Variants in ACSM1 observed in about 807,000 individuals in gnomAD.
ACSM1 encodes the protein acyl-coenzyme A synthetase ACSM1, mitochondrial.
Under a neutral mutation model 75.8 loss-of-function variants are expected in ACSM1, and 79 were observed. The observed-to-expected ratio is 1.04, with a 90% CI of 0.87 to 1.26. The LOEUF (loss-of-function observed/expected upper bound fraction) is 1.26. Ranked by LOEUF, ACSM1 falls within the 50% of genes most tolerant of loss-of-function variation. The probability of loss-of-function intolerance (pLI) is 0.00; values close to 1 mark genes in which losing one functional copy is unlikely to be tolerated. For missense variants in ACSM1, 676 were observed against 720.1 expected, an observed-to-expected ratio of 0.94 and a Z score of 0.70; for synonymous variants, 279 against 265.8, an observed-to-expected ratio of 1.05 and a Z score of -0.48.
chr16:20,638,109 A>G (rs1367674324), intron 8 of ACSM1, among the ~76,000 whole-genome samples: 1 of 152,132 alleles, frequency 6.6e-6, no homozygotes, highest in Non-Finnish European at 1.5e-5. Flanking sequence ...AAATATATTT[A>G]TTTCTGTAGC....
intron 8 of ACSM1, among the ~76,000 whole-genome samples, chr16:20,639,023 A>G (rs1199095427): frequency 1.3e-5 from 2 of 152,224 alleles, no homozygotes; most frequent in Non-Finnish European, 2.9e-5. Context: ...TTTTTACAAA[A>G]TAATGTCAGC....
chr16:20,670,683 G>A (rs1055613728), intron 5 of ACSM1, among the ~76,000 whole-genome samples: 1 of 152,172 alleles, frequency 6.6e-6, no homozygotes, highest in African/African-American at 2.4e-5. Context: ...CTGAGCACCA[G>A]ATATTCCCAA....
chr16:20,625,573 T>C, intron 11 of ACSM1, 51 bp from the exon 12 acceptor site: 1 of 1,506,370 alleles, frequency 6.6e-7, no homozygotes, highest in Non-Finnish European at 9.2e-7. Flanking sequence ...GTGAACCAAG[T>C]CCCCAGATCT....
At chr16:20,696,292 C>T (rs954075987) in intron 1 of ACSM1, among the ~76,000 whole-genome samples, 23 of 152,166 alleles carry the variant, frequency 1.5e-4, no homozygotes, top group African/African-American at 4.3e-4. Context: ...TCTCTATCTC[C>T]GTCTCTGTCT....
In ACSM1 at chr16:20,691,116, A is replaced by T; in HGVS notation, c.73T>A (p.Ser25Thr). Residue 25 changes from serine to threonine, a missense_variant, in exon 2 of 14, where the codon TCA (serine) becomes ACA (threonine). Transcript: ENST00000520010. ...KSFHNIHPAP[S>T]QLRCRSLSEF... is the part of the protein sequence containing the mutation. ...GATAAAGACCGGCAGCGCAGCTGTG[A>T]AGGGGCAGGGTGGATGTTGTGGAAG... The T allele has an allele frequency of 6.2e-7, 1 of 1,613,690 alleles. No individual in the cohort carries two copies. Among genetic ancestry groups the T allele is most frequent in the Non-Finnish European group, 8.5e-7 (1 of 1,179,758 alleles).
At chr16:20,656,625 C>T (rs1567277347) in intron 7 of ACSM1, among the ~76,000 whole-genome samples, 1 of 152,124 alleles carries the variant, frequency 6.6e-6, no homozygotes, top group East Asian at 1.9e-4. Flanking sequence ...TAGTAACTCT[C>T]CTAACTGTCA....
At chr16:20,688,419 T>C (rs886984074) in intron 2 of ACSM1, among the ~76,000 whole-genome samples, 6 of 152,084 alleles carry the variant, frequency 3.9e-5, no homozygotes, top group Admixed American at 3.3e-4. Flanking sequence ...ATCCCCAAAT[T>C]TGAGACAATG....
intron 7 of ACSM1, among the ~76,000 whole-genome samples, chr16:20,645,790 A>G (rs190499987): frequency 8.5e-4 from 129 of 152,310 alleles, no homozygotes; most frequent in African/African-American, 3.0e-3. Context: ...GCTAACTTGC[A>G]TGCTGGAAGG....
intron 11 of ACSM1, 146 bp from the exon 12 acceptor site, chr16:20,625,668 C>T: frequency 1.5e-6 from 1 of 660,596 alleles, no homozygotes; most frequent in South Asian, 1.9e-5. Context: ...GTGTCATGGG[C>T]CCAAAGTGTA....
intron 3 of ACSM1, 53 bp downstream of exon 3, chr16:20,685,140 C>A: frequency 6.3e-7 from 1 of 1,586,044 alleles, no homozygotes; most frequent in Non-Finnish European, 8.7e-7. Flanking sequence ...TCTCAGGACC[C>A]ATTGGTTCTA....
intron 7 of ACSM1, among the ~76,000 whole-genome samples, chr16:20,641,236 T>G (rs2018040252): frequency 6.6e-6 from 1 of 152,198 alleles, no homozygotes; most frequent in Admixed American, 6.5e-5. Flanking sequence ...TTTGACATAT[T>G]TTGAAATGGC....
At chr16:20,666,919 AC>A (rs2152266630) in intron 6 of ACSM1, among the ~76,000 whole-genome samples, 2 of 152,290 alleles carry the variant, frequency 1.3e-5, no homozygotes, top group South Asian at 4.1e-4. Context: ...CTGGGCTCCT[AC>A]CTTTCGCCAT....
At chr16:20,638,809 A>G (rs577710349) in intron 8 of ACSM1, among the ~76,000 whole-genome samples, 26 of 152,304 alleles carry the variant, frequency 1.7e-4, no homozygotes, top group Non-Finnish European at 3.4e-4. Context: ...AAAACGTTGC[A>G]CACATGAGTG....
At chr16:20,665,848 C>T (rs163269) in intron 6 of ACSM1, among the ~76,000 whole-genome samples, 89,584 of 151,988 alleles carry the variant, frequency 0.59, 27,797 homozygotes, top group East Asian at 0.86. Context: ...GATCAATAAA[C>T]AGGATTCACC....
intron 5 of ACSM1, 85 bp downstream of exon 5, chr16:20,671,445 AC>A: frequency 2.0e-6 from 2 of 984,500 alleles, no homozygotes; most frequent in Non-Finnish European, 1.4e-6. Context: ...CCCAAGACAC[AC>A]ACACACACAC....
chr16:20,673,523 C>G (rs2020085547), intron 4 of ACSM1, among the ~76,000 whole-genome samples: 1 of 152,030 alleles, frequency 6.6e-6, no homozygotes, highest in South Asian at 2.1e-4. Context: ...GAAAACAAAC[C>G]CAGCATGGTT....
chr16:20,656,116 T>C (rs944152437), intron 7 of ACSM1, among the ~76,000 whole-genome samples: 3 of 152,198 alleles, frequency 2.0e-5, no homozygotes, highest in Non-Finnish European at 1.5e-5. Context: ...CTTTTACTAG[T>C]TATATAAAGT....
Position 20,682,383 on chromosome 16 carries a change from T to C in ACSM1, c.484A>G (p.Ile162Val), listed in dbSNP as rs370466789. ...YRLQLSKAKGIVTIDALASEV... is the reference protein window; with the variant it reads ...YRLQLSKAKGVVTIDALASEV... Reference sequence around the variant, plus strand: ...GAGGCAAGGGCATCTATGGTCACAATGCCCTTGGCTTTAGACAACTGTAGT... The same window carrying C: ...GAGGCAAGGGCATCTATGGTCACAACGCCCTTGGCTTTAGACAACTGTAGT... Residue 162 changes from isoleucine to valine, a missense_variant, in exon 4 of 14, where the codon ATT becomes GTT. Coordinates refer to ENST00000520010, the MANE Select transcript of ACSM1 (RefSeq NM_001318890.3). The C allele has an allele frequency of 1.7e-5, 28 of 1,613,924 alleles. No individual in the cohort carries two copies. The highest frequency in any genetic ancestry group is 2.4e-5 in the Non-Finnish European group (28 of 1,179,946).
At chr16:20,674,052 C>T (rs1037263324) in intron 4 of ACSM1, 1 of 437,178 alleles carries the variant, frequency 2.3e-6, no homozygotes, top group Non-Finnish European at 4.6e-6. Context: ...ACCTTCCTAC[C>T]ACTGGCTGCT....
Sources: gnomAD v4.1 joint callset for allele counts (sites outside exome capture counted in the v4.1 genomes callset) on GRCh38, gnomAD v4.1.1 for gene constraint, MANE v1.5 for transcripts, NCBI Gene and HGNC (gene_info 2026-07-23, HGNC 2026-07-21) for gene names.